The following TFEC variants were observed in gnomAD, a reference collection of about 807,000 sequenced individuals.
TFEC encodes transcription factor EC.
Under a neutral mutation model 41.6 loss-of-function variants are expected in TFEC, and 31 were observed. That is an observed-to-expected ratio of 0.74 (90% CI 0.56 to 1.01). The LOEUF (loss-of-function observed/expected upper bound fraction) is 1.01, where lower values mean the gene tolerates loss of function less well. TFEC is among the 50% of genes least tolerant of loss of function. The probability of loss-of-function intolerance (pLI) is 0.00; values close to 1 mark genes in which losing one functional copy is unlikely to be tolerated. For synonymous variants in TFEC, 143 were observed against 140.6 expected (o/e 1.02, Z -0.12); for missense variants, 402 against 404.1 (o/e 0.99, Z 0.04).
intron 3 of TFEC, among the ~76,000 whole-genome samples, chr7:115,964,671 T>G (rs941676586): frequency 6.6e-6 from 1 of 151,616 alleles, no homozygotes; most frequent in African/African-American, 2.4e-5. Flanking sequence ...ATTTTGGTAA[T>G]TTAATAAATA....
intron 3 of TFEC, among the ~76,000 whole-genome samples, chr7:116,047,082 T>C (rs551049896): frequency 8.4e-4 from 128 of 152,352 alleles, no homozygotes; most frequent in Non-Finnish European, 1.5e-3. Context: ...AGCTCCAGTC[T>C]GTAGCTCCCA....
At chr7:116,081,742 C>G (rs1797095258) in intron 3 of TFEC, among the ~76,000 whole-genome samples, 1 of 152,004 alleles carries the variant, frequency 6.6e-6, no homozygotes, top group Non-Finnish European at 1.5e-5. Context: ...ATGTATTAGC[C>G]CAATATACCA....
chr7:115,950,884 A>T lies in TFEC; in HGVS notation c.505T>A (p.Ser169Thr). ...GATTGTTGAACTCACGGATCATTAG[A>T]CTTTGGAATAAGAGTGCCAAGCTCC... ...IKELGTLIPK[S>T]NDPDMRWNKG... Residue 169 changes from serine to threonine, a missense_variant, in exon 6 of 8, where the codon TCT becomes ACT. Coordinates refer to ENST00000265440, the MANE Select transcript of TFEC (RefSeq NM_012252.4). 3 of 1,603,758 alleles carry T rather than the reference A, an allele frequency of 1.9e-6. No individual in the cohort carries two copies. Among genetic ancestry groups the T allele is most frequent in the Non-Finnish European group, 2.6e-6 (3 of 1,174,544 alleles).
intron 3 of TFEC, among the ~76,000 whole-genome samples, chr7:116,053,054 G>A (rs921246580): frequency 2.0e-5 from 3 of 151,800 alleles, no homozygotes; most frequent in Non-Finnish European, 4.4e-5. Flanking sequence ...CATGGGCGAC[G>A]GAGCGAGACT....
At chr7:116,107,800 C>T (rs1324042123) in intron 3 of TFEC, among the ~76,000 whole-genome samples, 2 of 152,112 alleles carry the variant, frequency 1.3e-5, no homozygotes, top group South Asian at 2.1e-4. Flanking sequence ...AATGTTGGTG[C>T]CAGTCATGCA....
intron 3 of TFEC, chr7:115,968,427 T>G: frequency 1.3e-6 from 1 of 749,786 alleles, no homozygotes; most frequent in Non-Finnish European, 1.9e-6. Context: ...GCACAGGGGG[T>G]TGTTAATATT....
intron 3 of TFEC, among the ~76,000 whole-genome samples, chr7:116,105,890 C>A (rs929095046): frequency 6.6e-6 from 1 of 152,158 alleles, no homozygotes; most frequent in African/African-American, 2.4e-5. Context: ...AGCTCCTTTT[C>A]CCCATCTCTT....
intron 3 of TFEC, among the ~76,000 whole-genome samples, chr7:116,049,274 G>T (rs921961432): frequency 3.9e-5 from 6 of 152,048 alleles, no homozygotes; most frequent in Admixed American, 3.3e-4. Context: ...CAAAATAAAG[G>T]GATGGAGGAA....
chr7:116,080,976 A>AGTGTATGTATGTGT (rs1424213374), intron 3 of TFEC, among the ~76,000 whole-genome samples: 191 of 138,016 alleles, frequency 1.4e-3, no homozygotes, highest in African/African-American at 4.8e-3. Context: ...AAGAAAATGT[A>AGTGTATGTATGTGT]GTGTGTGTGT....
rs770348988 is a variant in TFEC, at chr7:116,042,044, C to T, written c.199-57531G>A. On this transcript the variant is annotated intron_variant, in intron 3 of 8. Transcript: ENST00000484212. ...GGAAAAAACAGTGGTGGAAGTGGTG[C>T]CTAGTAACCTTAATTTTAAAGAAAA... is the stretch of plus-strand genomic sequence containing the variant. Among the ~76,000 whole-genome samples the T allele has an allele frequency of 5.3e-5, 8 of 150,490 alleles. No homozygotes were observed. In the South Asian group the frequency reaches 6.4e-4, roughly 12 times the overall value.
At chr7:115,965,121 A>T (rs1417387751) in intron 3 of TFEC, among the ~76,000 whole-genome samples, 12 of 151,702 alleles carry the variant, frequency 7.9e-5, no homozygotes. Context: ...GTTTTAACTG[A>T]CGTTGATATG....
At chr7:116,105,401 T>C (rs903368218) in intron 3 of TFEC, among the ~76,000 whole-genome samples, 1 of 152,228 alleles carries the variant, frequency 6.6e-6, no homozygotes, top group Non-Finnish European at 1.5e-5. Context: ...AATCCAAGTA[T>C]GCAACTGCCT....
intron 3 of TFEC, among the ~76,000 whole-genome samples, chr7:116,054,430 AAAG>A (rs1479029625): frequency 6.6e-6 from 1 of 152,172 alleles, no homozygotes; most frequent in Non-Finnish European, 1.5e-5. Context: ...AAAAGAGATC[AAAG>A]AAGAAGTGAG....
At chr7:115,982,000 T>A (rs960485402) in intron 2 of TFEC, among the ~76,000 whole-genome samples, 1 of 152,188 alleles carries the variant, frequency 6.6e-6, no homozygotes, top group Non-Finnish European at 1.5e-5. Context: ...TTGAATTGTA[T>A]CTCAGAAAGA....
At chr7:115,971,128 T>C (rs1275699002) in intron 3 of TFEC, among the ~76,000 whole-genome samples, 4 of 152,052 alleles carry the variant, frequency 2.6e-5, no homozygotes, top group Admixed American at 2.0e-4. Flanking sequence ...GTTCTCACTC[T>C]TAGTCTGGGC....
chr7:115,986,926 C>A (rs537189666), intron 1 of TFEC, among the ~76,000 whole-genome samples: 36 of 140,808 alleles, frequency 2.6e-4, no homozygotes, highest in African/African-American at 6.8e-4. Context: ...TATAAAAAAA[C>A]ATAAAAAGAA....
At chr7:115,967,345 G>A (rs1394723336) in intron 3 of TFEC, among the ~76,000 whole-genome samples, 1 of 151,334 alleles carries the variant, frequency 6.6e-6, no homozygotes, top group African/African-American at 2.4e-5. Flanking sequence ...ACCCTAAGAT[G>A]GTAAAAGATT....
chr7:115,990,955 G>GA (rs1794081816), intron 1 of TFEC, among the ~76,000 whole-genome samples: 2 of 152,094 alleles, frequency 1.3e-5, no homozygotes, highest in Non-Finnish European at 2.9e-5. Context: ...TGAAATGAAG[G>GA]AAAAAATGTT....
At chr7:115,954,447 A>G in intron 5 of TFEC, 139 bp downstream of exon 5, 1 of 546,394 alleles carries the variant, frequency 1.8e-6, no homozygotes, top group Non-Finnish European at 3.1e-6. Context: ...AATATTTCCC[A>G]AAATAAATCA....
Sources: allele counts gnomAD v4.1 joint callset (sites outside exome capture counted in the v4.1 genomes callset), GRCh38; gene constraint gnomAD v4.1.1; transcripts MANE v1.5; gene names NCBI Gene and HGNC (gene_info 2026-07-23, HGNC 2026-07-21).